The following DDX47 variants were observed in gnomAD, a reference collection of about 807,000 sequenced individuals.
The protein encoded by DDX47 is probable ATP-dependent RNA helicase DDX47.
DDX47 carries 60 observed loss-of-function variants against 58.8 expected under a neutral mutation model. The observed-to-expected ratio is 1.02, with a 90% CI of 0.83 to 1.26. DDX47 has a LOEUF of 1.26. DDX47 is among the 50% of genes most tolerant of loss of function. The pLI is 0.00. For missense variants in DDX47, 530 were observed against 573.2 expected, an observed-to-expected ratio of 0.92 and a Z score of 0.77; for synonymous variants, 197 against 204.6, an observed-to-expected ratio of 0.96 and a Z score of 0.32.
intron 9 of DDX47, 140 bp from the exon 10 acceptor site, chr12:12,825,860 T>C (rs1863044218): frequency 1.7e-6 from 1 of 602,150 alleles, no homozygotes; most frequent in South Asian, 2.3e-5. Context: ...TCTCAACAAA[T>C]TGCCCCGGCC....
At chr12:12,822,977 G>A (rs1026870061) in intron 6 of DDX47, among the ~76,000 whole-genome samples, 5 of 152,160 alleles carry the variant, frequency 3.3e-5, no homozygotes, top group African/African-American at 9.7e-5. Context: ...GGAGGTGGGG[G>A]CAGTGCCACA....
Position 12,813,429 on chromosome 12 carries a change from A to C in DDX47, c.62A>C (p.Glu21Ala). The change falls in exon 1 of 12, where the codon GAG becomes GCG. Residue 21 changes from glutamate to alanine, a missense_variant. By Grantham distance (107) the Glu-to-Ala change is moderately radical. Transcript: ENST00000358007. ...TEASQPIVEE[E>A]ETKTFKDLGV... ...GCGTCCCAGCCGATTGTGGAAGAGG[A>C]GGAAACTAAAACATTTAAAGACCTG... is the stretch of plus-strand genomic sequence containing the variant. 1 of 1,612,698 alleles carries C rather than the reference A, an allele frequency of 6.2e-7. No homozygotes were observed. The highest frequency in any genetic ancestry group is 8.5e-7 in the Non-Finnish European group (1 of 1,179,368).
chr12:12,820,889 C>T lies in DDX47; in HGVS notation c.182-319C>T, dbSNP rs538734536. On this transcript the variant is annotated intron_variant, in intron 2 of 11. Coordinates refer to ENST00000358007, the MANE Select transcript of DDX47 (RefSeq NM_016355.4). ...TCTTTGCTTACTTCCAGTTTTAACTCACTTATCACCTCTGTTAGCCTTTTC... is the reference window on the plus strand; with the variant it reads ...TCTTTGCTTACTTCCAGTTTTAACTTACTTATCACCTCTGTTAGCCTTTTC... 9 of 328,848 alleles carry T rather than the reference C, an allele frequency of 2.7e-5. No individual in the cohort carries two copies. In the South Asian group the frequency reaches 2.8e-4, roughly 10 times the overall value. 20.4% of individuals were successfully genotyped at this position (328,848 alleles called of 1,614,324 possible).
intron 4 of DDX47, 106 bp downstream of exon 4, chr12:12,821,832 A>AT: frequency 8.2e-7 from 1 of 1,224,662 alleles, no homozygotes; most frequent in Non-Finnish European, 1.2e-6. Flanking sequence ...ACCCTGTTAA[A>AT]TTTTTTAATT....
chr12:12,827,180 TA>T, intron 10 of DDX47, 65 bp from the exon 11 acceptor site: 1 of 1,566,064 alleles, frequency 6.4e-7, no homozygotes, highest in Non-Finnish European at 8.7e-7. Context: ...CATATAATAA[TA>T]GTTTGGGAAT....
chr12:12,829,351 A>T, intron 11 of DDX47, 72 bp from the exon 12 acceptor site: 1 of 1,498,848 alleles, frequency 6.7e-7, no homozygotes, highest in Non-Finnish European at 8.9e-7. Flanking sequence ...TCTTAAGGAG[A>T]GGGGACTAGA....
intron 7 of DDX47, 107 bp from the exon 8 acceptor site, chr12:12,823,763 T>C: frequency 3.6e-6 from 4 of 1,122,794 alleles, no homozygotes; most frequent in Non-Finnish European, 5.1e-6. Context: ...GAGGTCTGGA[T>C]AATTGAAAAG....
chr12:12,828,446 G>A lies in DDX47; in HGVS notation c.1237-977G>A, dbSNP rs149341158. Among the ~76,000 whole-genome samples the A allele has an allele frequency of 1.5e-3, 223 of 152,172 alleles. 4 individuals carry two copies. The East Asian group carries it at 0.038, about 26-fold the overall frequency. On this transcript the variant is annotated intron_variant, in intron 11 of 11. Transcript: ENST00000358007. ...TAGAATTAGAAAAAATCTGAAGTCC[G>A]AAACACTGCTGGTCCCAAGCATTTC...
At chr12:12,829,204 C>A (rs1037649660) in intron 11 of DDX47, among the ~76,000 whole-genome samples, 1 of 152,200 alleles carries the variant, frequency 6.6e-6, no homozygotes, top group Non-Finnish European at 1.5e-5. Flanking sequence ...AAGTCTTTGC[C>A]AATCTGCCAT....
chr12:12,825,622 C>T (rs1318174335), intron 9 of DDX47, among the ~76,000 whole-genome samples: 2 of 152,078 alleles, frequency 1.3e-5, no homozygotes, highest in African/African-American at 4.8e-5. Flanking sequence ...TAGATAGAAA[C>T]CAAGGTTCAG....
chr12:12,821,708 A>C lies in DDX47; in HGVS notation c.424A>C (p.Lys142Gln). The C allele has an allele frequency of 6.2e-7, 1 of 1,613,046 alleles. No individual in the cohort carries two copies. The highest frequency in any genetic ancestry group is 1.1e-5 in the South Asian group (1 of 91,056). ...GTCTCAATCTTTGGCCCTTGCAAAA[A>C]AACCACATATAATAATAGGTGAGTA... is the stretch of plus-strand genomic sequence containing the variant. Reference protein sequence around the residue: ...SMSQSLALAKKPHIIIATPGR... With the variant: ...SMSQSLALAKQPHIIIATPGR... Residue 142 changes from lysine (K) to glutamine (Q), a missense_variant, in exon 4 of 12, where the codon AAA becomes CAA. Transcript: ENST00000358007.
intron 7 of DDX47, chr12:12,823,606 T>C (rs1345288694): frequency 5.4e-6 from 3 of 550,738 alleles, no homozygotes; most frequent in Non-Finnish European, 9.6e-6. Flanking sequence ...GGCTTTTATT[T>C]AGGATGAAGC....
chr12:12,828,460 C>T (rs1321036086), intron 11 of DDX47, among the ~76,000 whole-genome samples: 1 of 152,060 alleles, frequency 6.6e-6, no homozygotes, highest in Non-Finnish European at 1.5e-5. Flanking sequence ...CACTGCTGGT[C>T]CCAAGCATTT....
At chr12:12,821,557 C>A (rs1247636672) in intron 3 of DDX47, 98 bp from the exon 4 acceptor site, 1 of 1,436,678 alleles carries the variant, frequency 7.0e-7, no homozygotes, top group African/African-American at 1.4e-5. Context: ...AAGGGAAGAA[C>A]AAATCTAAGT....
intron 2 of DDX47, 55 bp downstream of exon 2, chr12:12,814,279 C>G: frequency 5.4e-6 from 6 of 1,114,016 alleles, no homozygotes; most frequent in Non-Finnish European, 8.3e-6. Flanking sequence ...ATTAGATACC[C>G]CTTTTGAAAG....
Position 12,829,408 on chromosome 12 carries a change from C to CTTTTT in DDX47, c.1237-12_1237-8dup. On this transcript the variant is annotated splice_polypyrimidine_tract_variant and intron_variant, in intron 11 of 11. Transcript: ENST00000358007. ...TAATTCATTTTCAATCCCATCCTCT[C>CTTTTT]TTTTTTTCTTGCAGGAGTTAAGGGA... The CTTTTT allele has an allele frequency of 1.9e-6, 3 of 1,599,080 alleles. No homozygotes were observed. The highest frequency in any genetic ancestry group is 2.3e-5 in the South Asian group (2 of 87,950).
At position 12,821,424 on chromosome 12, in the gene DDX47, AG is replaced by A. The variant is rs1862971747; in HGVS notation, c.370+30del. On this transcript the variant is annotated intron_variant, in intron 3 of 11. Coordinates refer to ENST00000358007, the MANE Select transcript of DDX47 (RefSeq NM_016355.4). ...AAGTGTCTGAGAGGGAAGGGATCCTAGGTTGCCATCACAAGTGAAGAATGAG... is the reference window on the plus strand; with the variant it reads ...AAGTGTCTGAGAGGGAAGGGATCCTAGTTGCCATCACAAGTGAAGAATGAG... 5 of 1,613,104 alleles carry A rather than the reference AG, an allele frequency of 3.1e-6. No individual in the cohort carries two copies. The East Asian group carries it at 1.1e-4, about 36-fold the overall frequency.
intron 7 of DDX47, 38 bp from the exon 8 acceptor site, chr12:12,823,832 G>C (rs1187470229): frequency 6.2e-7 from 1 of 1,600,222 alleles, no homozygotes; most frequent in Non-Finnish European, 8.5e-7. Flanking sequence ...CTGTCTCCCA[G>C]GTTCAATGAC....
At chr12:12,819,627 A>G (rs1301766362) in intron 2 of DDX47, among the ~76,000 whole-genome samples, 1 of 152,206 alleles carries the variant, frequency 6.6e-6, no homozygotes, top group Non-Finnish European at 1.5e-5. Context: ...ATCTCTAAAC[A>G]AGTATGTCCA....
Sources: gnomAD v4.1 joint callset for allele counts (sites outside exome capture counted in the v4.1 genomes callset) on GRCh38, gnomAD v4.1.1 for gene constraint, MANE v1.5 for transcripts, NCBI Gene and HGNC (gene_info 2026-07-23, HGNC 2026-07-21) for gene names.